Variants in RC3H2 observed in about 807,000 individuals in gnomAD.
RC3H2 encodes roquin-2.
Under a neutral mutation model 133.3 loss-of-function variants are expected in RC3H2, and 31 were observed. That is an observed-to-expected ratio of 0.23 (90% CI 0.17 to 0.31). The LOEUF (loss-of-function observed/expected upper bound fraction) is 0.31, where lower values mean the gene tolerates loss of function less well. RC3H2 is among the 10% of genes least tolerant of loss of function. The pLI is 1.00. For synonymous variants in RC3H2, 517 were observed against 502.2 expected, an observed-to-expected ratio of 1.03 and a Z score of -0.40; for missense variants, 1,175 against 1,437.2, an observed-to-expected ratio of 0.82 and a Z score of 2.95.
At position 122,858,839 on chromosome 9, in the gene RC3H2, T is replaced by C. The variant is rs372023688; in HGVS notation, c.2113A>G (p.Met705Val). The C allele has an allele frequency of 3.0e-5, 48 of 1,614,282 alleles. No homozygotes were observed. The African/African-American group carries it at 3.5e-4, about 12-fold the overall frequency. ...YDSRRIWRPP[M>V]YQRDDIIRSN... ...CTAATAATGTCATCTCGTTGGTACA[T>C]AGGTGGGCGCCAGATGCGCCTGCTG... Residue 705 changes from methionine (M) to valine (V), a missense_variant, in exon 12 of 21, where the codon ATG (methionine) becomes GTG (valine). Transcript: ENST00000357244.
intron 10 of RC3H2, among the ~76,000 whole-genome samples, 196 bp from the exon 11 acceptor site, chr9:122,860,327 CA>C (rs1208371694): frequency 6.6e-6 from 1 of 151,568 alleles, no homozygotes. Flanking sequence ...TAACAGATGT[CA>C]TATTCCTGTG....
chr9:122,851,918 C>A (rs558680016), intron 18 of RC3H2, among the ~76,000 whole-genome samples: 1 of 151,884 alleles, frequency 6.6e-6, no homozygotes, highest in Non-Finnish European at 1.5e-5. Context: ...CCGGCCGCCA[C>A]CCCGTCTGGG....
At chr9:122,855,078 A>T (rs1194553072) in intron 15 of RC3H2, 106 bp downstream of exon 15, 1 of 885,364 alleles carries the variant, frequency 1.1e-6, no homozygotes, top group Non-Finnish European at 1.7e-6. Context: ...ACACCACTGC[A>T]TTCCAGTCTG....
chr9:122,879,966 T>C lies in RC3H2; in HGVS notation c.1093+27A>G, dbSNP rs1399062168. On this transcript the variant is annotated intron_variant, in intron 7 of 20. Transcript: ENST00000357244. ...TTCACCTCAAAAGTAGAAAAAAATA[T>C]AAGCAACTGAGCATATTCCCACATA... 6.8e-6 allele frequency: 11 copies of C among 1,612,538 alleles called. No individual in the cohort carries two copies. In the Admixed American group the frequency reaches 1.0e-4, roughly 15 times the overall value.
At chr9:122,866,889 C>T (rs1364947655) in intron 9 of RC3H2, among the ~76,000 whole-genome samples, 1 of 151,068 alleles carries the variant, frequency 6.6e-6, no homozygotes, top group Non-Finnish European at 1.5e-5. Flanking sequence ...TGAGGAGCCC[C>T]TCTGCCTGGC....
rs1830137609 is a variant in RC3H2, at chr9:122,853,711, C to T, written c.3117+241G>A. ...AGGCTGCAGTGAGCCAAGATCGTGC[C>T]ATTGCACTCCAGGCGATAGAGCAAG... On this transcript the variant is annotated intron_variant, in intron 18 of 20. Coordinates refer to ENST00000357244, the MANE Select transcript of RC3H2 (RefSeq NM_001100588.3). 4.8e-6 allele frequency: 5 copies of T among 1,033,762 alleles called. 1 individual carries two copies. The Admixed American group carries it at 1.5e-4, about 30-fold the overall frequency. 64.0% of individuals were successfully genotyped at this position (1,033,762 alleles called of 1,614,324 possible).
At chr9:122,903,378 T>C (rs1832729752) in intron 1 of RC3H2, among the ~76,000 whole-genome samples, 1 of 152,258 alleles carries the variant, frequency 6.6e-6, no homozygotes, top group Non-Finnish European at 1.5e-5. Flanking sequence ...CGTTCTTAGC[T>C]ATTGCAAACA....
Position 122,894,153 on chromosome 9 carries a change from A to G in RC3H2, c.232-1127T>C, listed in dbSNP as rs571564189. Among the ~76,000 whole-genome samples, 42 of 152,074 alleles carry G rather than the reference A, an allele frequency of 2.8e-4. 2 individuals are homozygous for G. The South Asian group carries it at 8.3e-3, about 30-fold the overall frequency. ...GGGCACCTGTAGTCCCAGTTACTCC[A>G]GAGGCTGAGGCAGGAGAATGCCGTG... On this transcript the variant is annotated intron_variant, in intron 2 of 20. Transcript: ENST00000357244.
At position 122,859,075 on chromosome 9, in the gene RC3H2, G is replaced by A; in HGVS notation, c.1877C>T (p.Pro626Leu). ...TGYYPPPPTVPAGVAPCVPRF... is the reference protein window; with the variant it reads ...TGYYPPPPTVLAGVAPCVPRF... ...AGGAACACAGGGAGCCACACCAGCT[G>A]GTACCGTTGGAGGTGGTGGATAGTA... Residue 626 changes from proline (P) to leucine (L), a missense_variant, in exon 12 of 21, where the codon CCA becomes CTA. Pro to Leu is a moderately conservative substitution (Grantham distance 98). Transcript: ENST00000357244. 6.3e-7 allele frequency: 1 copy of A among 1,593,120 alleles called. No individual in the cohort carries two copies. Among genetic ancestry groups the A allele is most frequent in the South Asian group, 1.1e-5 (1 of 88,608 alleles).
intron 9 of RC3H2, among the ~76,000 whole-genome samples, chr9:122,871,802 A>C (rs1054846397): frequency 1.3e-5 from 2 of 152,100 alleles, no homozygotes; most frequent in African/African-American, 4.8e-5. Flanking sequence ...CCCGGAGGAC[A>C]AGACTTTTGC....
chr9:122,902,597 C>T (rs975684495), intron 1 of RC3H2, among the ~76,000 whole-genome samples: 7 of 152,140 alleles, frequency 4.6e-5, no homozygotes, highest in Non-Finnish European at 8.8e-5. Flanking sequence ...GTAATCCCAG[C>T]ACTTTGGGAG....
At chr9:122,860,162 A>G (rs776367402) in intron 10 of RC3H2, 31 bp from the exon 11 acceptor site, 2 of 1,514,812 alleles carry the variant, frequency 1.3e-6, no homozygotes, top group Non-Finnish European at 1.8e-6. Flanking sequence ...AGGGCAAAGG[A>G]GAAATCACTG....
intron 1 of RC3H2, among the ~76,000 whole-genome samples, chr9:122,902,669 T>C (rs945517367): frequency 3.3e-5 from 5 of 152,014 alleles, no homozygotes; most frequent in African/African-American, 9.7e-5. Flanking sequence ...CTGGTCAACA[T>C]GGCAAAACCC....
chr9:122,902,896 T>C (rs1832710639), intron 1 of RC3H2, among the ~76,000 whole-genome samples: 1 of 151,394 alleles, frequency 6.6e-6, no homozygotes, highest in Non-Finnish European at 1.5e-5. Context: ...TTTTTAGTAA[T>C]ATATTTTATT....
chr9:122,863,582 G>A (rs563042394), intron 10 of RC3H2, among the ~76,000 whole-genome samples: 37 of 152,110 alleles, frequency 2.4e-4, no homozygotes, highest in Non-Finnish European at 4.9e-4. Flanking sequence ...TGTAAATGCT[G>A]TCTCCACAAC....
At position 122,881,656 on chromosome 9, in the gene RC3H2, C is replaced by CT. The variant is rs545524402; in HGVS notation, c.760-863dup. Among the ~76,000 whole-genome samples the CT allele has an allele frequency of 1.1e-3, 174 of 152,080 alleles. 1 individual carries two copies. The highest frequency in any genetic ancestry group is 2.1e-3 in the Non-Finnish European group (146 of 67,978). ...TATGAAGGGAATGTGAAACCACTGACTTTTTTTGCAGGGGTGGGGATGGAG... is the reference window on the plus strand; with the variant it reads ...TATGAAGGGAATGTGAAACCACTGACTTTTTTTTGCAGGGGTGGGGATGGAG... On this transcript the variant is annotated intron_variant, in intron 5 of 20. Coordinates refer to ENST00000357244, the MANE Select transcript of RC3H2 (RefSeq NM_001100588.3).
chr9:122,882,541 C>G (rs1831693454), intron 5 of RC3H2, among the ~76,000 whole-genome samples: 1 of 152,072 alleles, frequency 6.6e-6, no homozygotes, highest in South Asian at 2.1e-4. Flanking sequence ...GTACATGAGC[C>G]TTTCTCAAGA....
chr9:122,867,221 G>A (rs1349097400), intron 9 of RC3H2, among the ~76,000 whole-genome samples: 5 of 89,322 alleles, frequency 5.6e-5, no homozygotes, highest in Admixed American at 2.1e-4. Context: ...CACCCCGTCC[G>A]GGAGGGAGGT....
At position 122,851,135 on chromosome 9, in the gene RC3H2, T is replaced by C; in HGVS notation, c.3326A>G (p.Gln1109Arg). Residue 1109 changes from glutamine to arginine, a missense_variant, in exon 20 of 21, where the codon CAA becomes CGA. Transcript: ENST00000357244. ...VENGHPVQQH[Q>R]KEPPKQKKQS... Reference sequence around the variant, plus strand: ...TTTCTTCTGCTTTGGTGGCTCCTTTTGGTGCTGCTGTACTGGATGCCCATT... The same window carrying C: ...TTTCTTCTGCTTTGGTGGCTCCTTTCGGTGCTGCTGTACTGGATGCCCATT... 6.2e-7 allele frequency: 1 copy of C among 1,614,250 alleles called. No homozygotes were observed. Among genetic ancestry groups the C allele is most frequent in the African/African-American group, 1.3e-5 (1 of 75,074 alleles).
Sources: gnomAD v4.1 joint callset for allele counts (sites outside exome capture counted in the v4.1 genomes callset) on GRCh38, gnomAD v4.1.1 for gene constraint, MANE v1.5 for transcripts, NCBI Gene and HGNC (gene_info 2026-07-23, HGNC 2026-07-21) for gene names.